Variants in PRKG1 observed in about 807,000 individuals in gnomAD.
The protein encoded by PRKG1 is cGMP-dependent protein kinase 1.
In PRKG1, 35 loss-of-function variants were observed where a neutral mutation model predicts 88.1. That is an observed-to-expected ratio of 0.40 (90% confidence interval 0.30 to 0.53). PRKG1 has a LOEUF of 0.53. Ranked by LOEUF, PRKG1 falls within the 20% of genes least tolerant of loss-of-function variation. PRKG1 has a pLI of 0.59. For synonymous variants in PRKG1, 303 were observed against 292.5 expected (o/e 1.04, Z -0.37); for missense variants, 540 against 839.8 (o/e 0.64, Z 4.41).
chr10:51,907,712 C>T (rs1842117325), intron 5 of PRKG1, 142 bp downstream of exon 5: 4 of 625,222 alleles, frequency 6.4e-6, no homozygotes, highest in Non-Finnish European at 1.1e-5. Context: ...ATATATTTGG[C>T]TTCGTATAGA....
At chr10:51,362,341 C>T (rs570822078) in intron 2 of PRKG1, among the ~76,000 whole-genome samples, 2 of 151,662 alleles carry the variant, frequency 1.3e-5, no homozygotes, top group Admixed American at 6.6e-5. Context: ...TATGACTTTT[C>T]CAGGAAAACC....
chr10:51,101,952 G>A (rs1362163266), intron 1 of PRKG1, among the ~76,000 whole-genome samples: 1 of 152,200 alleles, frequency 6.6e-6, no homozygotes, highest in Non-Finnish European at 1.5e-5. Flanking sequence ...GAGAAACTGG[G>A]CATCTGCCCA....
chr10:51,330,264 C>A (rs1447687758), intron 2 of PRKG1, among the ~76,000 whole-genome samples: 1 of 151,636 alleles, frequency 6.6e-6, no homozygotes, highest in East Asian at 1.9e-4. Flanking sequence ...GATTCTCCTG[C>A]CTCAGCCTCC....
chr10:51,782,228 C>G (rs1838609927), intron 3 of PRKG1, among the ~76,000 whole-genome samples: 1 of 152,028 alleles, frequency 6.6e-6, no homozygotes. Flanking sequence ...GATTTTTTGA[C>G]TTTACAATGG....
intron 2 of PRKG1, among the ~76,000 whole-genome samples, chr10:51,304,043 C>T (rs1365933409): frequency 6.6e-6 from 1 of 152,068 alleles, no homozygotes; most frequent in Non-Finnish European, 1.5e-5. Flanking sequence ...TGTTCTTGAA[C>T]TCCTGACACC....
chr10:52,088,053 A>G (rs573304635), intron 7 of PRKG1, among the ~76,000 whole-genome samples: 1 of 152,294 alleles, frequency 6.6e-6, no homozygotes, highest in Admixed American at 6.5e-5. Context: ...ACCTAGGGAA[A>G]GTCAGAAAAT....
intron 1 of PRKG1, among the ~76,000 whole-genome samples, chr10:51,011,233 G>A (rs1177415604): frequency 6.6e-6 from 1 of 151,914 alleles, no homozygotes; most frequent in African/African-American, 2.4e-5. Flanking sequence ...CGGTGTTGAG[G>A]GGAGAGAGTG....
chr10:51,541,033 G>A (rs1842287776), intron 3 of PRKG1, among the ~76,000 whole-genome samples: 1 of 152,044 alleles, frequency 6.6e-6, no homozygotes, highest in Non-Finnish European at 1.5e-5. Flanking sequence ...AGTAGTTTTT[G>A]TGTGGAGGTT....
intron 3 of PRKG1, among the ~76,000 whole-genome samples, chr10:51,608,397 A>G (rs1294270874): frequency 6.6e-6 from 1 of 152,076 alleles, no homozygotes; most frequent in Non-Finnish European, 1.5e-5. Context: ...CAAAGAGTGC[A>G]ATTTGAAGTC....
intron 3 of PRKG1, among the ~76,000 whole-genome samples, chr10:51,507,747 C>T (rs1394871357): frequency 6.6e-6 from 1 of 152,108 alleles, no homozygotes; most frequent in Non-Finnish European, 1.5e-5. Context: ...AATAGCCAAA[C>T]TGATGTCGAT....
chr10:52,288,621 GC>G, intron 14 of PRKG1, 104 bp from the exon 15 acceptor site: 1 of 1,232,722 alleles, frequency 8.1e-7, no homozygotes, highest in Non-Finnish European at 1.1e-6. Context: ...ATTAATCTAA[GC>G]CCCCAAATAT....
chr10:51,970,246 T>C (rs1233570800), intron 5 of PRKG1, among the ~76,000 whole-genome samples: 7 of 151,972 alleles, frequency 4.6e-5, no homozygotes, highest in Non-Finnish European at 5.9e-5. Flanking sequence ...TTACCTTTAA[T>C]ACGTTTAACT....
At chr10:51,937,172 C>T (rs1842815404) in intron 5 of PRKG1, among the ~76,000 whole-genome samples, 4 of 151,910 alleles carry the variant, frequency 2.6e-5, no homozygotes. Context: ...CTAGGTTTTC[C>T]AGACCACTTC....
chr10:51,400,376 A>G (rs1263212433), intron 2 of PRKG1, among the ~76,000 whole-genome samples: 1 of 152,188 alleles, frequency 6.6e-6, no homozygotes, highest in South Asian at 2.1e-4. Context: ...TAAGGAAATA[A>G]CTTTTACATT....
At chr10:51,410,997 G>A (rs1042954712) in intron 2 of PRKG1, among the ~76,000 whole-genome samples, 3 of 151,480 alleles carry the variant, frequency 2.0e-5, no homozygotes, top group African/African-American at 7.3e-5. Flanking sequence ...AATTTTACAG[G>A]TTAATTTTTT....
intron 9 of PRKG1, among the ~76,000 whole-genome samples, chr10:52,189,784 A>C (rs775181628): frequency 9.8e-5 from 15 of 152,362 alleles, no homozygotes; most frequent in Non-Finnish European, 2.1e-4. Flanking sequence ...TACATTTTAA[A>C]AGAATGATAC....
chr10:51,851,373 T>C (rs944563741), intron 4 of PRKG1, among the ~76,000 whole-genome samples: 15 of 152,218 alleles, frequency 9.9e-5, no homozygotes, highest in Admixed American at 5.2e-4. Context: ...TGGCTTCTAG[T>C]GGATATAGAC....
intron 5 of PRKG1, chr10:51,911,060 T>C (rs1842205203): frequency 6.6e-6 from 1 of 152,222 alleles, no homozygotes; most frequent in Non-Finnish European, 1.5e-5. Flanking sequence ...CCTTCATCTA[T>C]GTGAACACAA....
At chr10:51,984,303 T>C (rs2133115468) in intron 5 of PRKG1, among the ~76,000 whole-genome samples, 1 of 152,326 alleles carries the variant, frequency 6.6e-6, no homozygotes, top group South Asian at 2.1e-4. Flanking sequence ...GATTGGCCAG[T>C]GTTATTACTT....
Sources: allele counts gnomAD v4.1 joint callset (sites outside exome capture counted in the v4.1 genomes callset), GRCh38; gene constraint gnomAD v4.1.1; transcripts MANE v1.5; gene names NCBI Gene and HGNC (gene_info 2026-07-23, HGNC 2026-07-21).